The following ABAT variants were observed in gnomAD, a reference collection of about 807,000 sequenced individuals.
The protein encoded by ABAT is 4-aminobutyrate aminotransferase, also known as 4-aminobutyrate aminotransferase, mitochondrial.
Under a neutral mutation model 64.6 loss-of-function variants are expected in ABAT, and 45 were observed. That is an observed-to-expected ratio of 0.70 (90% CI 0.55 to 0.89). The LOEUF is 0.89. Ranked by LOEUF, ABAT falls within the 40% of genes least tolerant of loss-of-function variation. ABAT has a pLI of 0.00. For missense variants in ABAT, 633 were observed against 658.4 expected (o/e 0.96, Z 0.42); for synonymous variants, 297 against 250.5 (o/e 1.19, Z -1.75).
chr16:8,743,107 GAAAA>G lies in ABAT; in HGVS notation c.71-2893_71-2890del, dbSNP rs1366251750. Among the ~76,000 whole-genome samples, 91 of 149,598 alleles carry G rather than the reference GAAAA, an allele frequency of 6.1e-4. 5 individuals are homozygous for G. The highest frequency in any genetic ancestry group is 6.0e-3 in the Admixed American group (90 of 14,894). On this transcript the variant is annotated intron_variant, in intron 2 of 15. Transcript: ENST00000268251. ...ATTCCCTTTTTCAGATCAAAGAGAAGAAAATAAAAGCTGTTTTTCTTCATCCTTA... is the reference window on the plus strand; with the variant it reads ...ATTCCCTTTTTCAGATCAAAGAGAAGTAAAAGCTGTTTTTCTTCATCCTTA...
chr16:8,764,706 G>A lies in ABAT; in HGVS notation c.448-32G>A. On this transcript the variant is annotated intron_variant, in intron 7 of 15. Transcript: ENST00000268251. The surrounding 1 kb of genome is among the most constrained non-coding windows in gnomAD (Gnocchi z 4.2). ...AGCGGGAGGACAGGAGTCATGATGAGCCTGGGCTCACGGCTATTTCCCTCC... is the reference window on the plus strand; with the variant it reads ...AGCGGGAGGACAGGAGTCATGATGAACCTGGGCTCACGGCTATTTCCCTCC... 2.5e-6 allele frequency: 4 copies of A among 1,598,942 alleles called. No individual in the cohort carries two copies. Among genetic ancestry groups the A allele is most frequent in the Middle Eastern group, 1.7e-4 (1 of 6,014 alleles).
chr16:8,746,191 T>C, intron 3 of ABAT, 93 bp downstream of exon 3: 1 of 920,972 alleles, frequency 1.1e-6, no homozygotes, highest in South Asian at 1.4e-5. Flanking sequence ...CCTGTATTGA[T>C]TGTCAGCTGC....
intron 1 of ABAT, among the ~76,000 whole-genome samples, chr16:8,706,060 G>A (rs2057933825): frequency 6.6e-6 from 1 of 152,042 alleles, no homozygotes; most frequent in African/African-American, 2.4e-5. Context: ...TGCCTGTTGG[G>A]AGTGTTGGGC....
intron 5 of ABAT, among the ~76,000 whole-genome samples, chr16:8,751,798 C>T (rs2059493270): frequency 6.6e-6 from 1 of 152,106 alleles, no homozygotes; most frequent in South Asian, 2.1e-4. Flanking sequence ...CCCACAGCGT[C>T]TGCCTCCCCA....
chr16:8,743,007 T>TAAA (rs71152928), intron 2 of ABAT, among the ~76,000 whole-genome samples: 2,684 of 124,194 alleles, frequency 0.022, 180 homozygotes, highest in African/African-American at 0.065. Flanking sequence ...CTCATTTCTT[T>TAAA]AAAAAAAAAA....
chr16:8,731,122 C>T (rs1260297359), intron 1 of ABAT, among the ~76,000 whole-genome samples: 4 of 152,068 alleles, frequency 2.6e-5, no homozygotes, highest in Non-Finnish European at 5.9e-5. Flanking sequence ...ACCACCACAC[C>T]CAGCTAATTT....
At chr16:8,769,745 C>A (rs911476254) in intron 11 of ABAT, among the ~76,000 whole-genome samples, 79 of 152,130 alleles carry the variant, frequency 5.2e-4, no homozygotes, top group Admixed American at 5.2e-4. Context: ...CCCCCTACCC[C>A]CCGTTTCCAC....
rs558275692 is a variant in ABAT at position 8,755,448 on chromosome 16, G to C, written c.317-2309G>C. Among the ~76,000 whole-genome samples the C allele has an allele frequency of 8.5e-5, 13 of 152,354 alleles. No homozygotes were observed. The East Asian group carries it at 2.5e-3, about 29-fold the overall frequency. ...GGATGCATTCATCAGGGTGAGAGCTGTGATTTTTAGAAACTCAAGTCAAAC... is the reference window on the plus strand; with the variant it reads ...GGATGCATTCATCAGGGTGAGAGCTCTGATTTTTAGAAACTCAAGTCAAAC... On this transcript the variant is annotated intron_variant, in intron 5 of 15. Transcript: ENST00000268251.
At chr16:8,743,337 T>A (rs1445901197) in intron 2 of ABAT, among the ~76,000 whole-genome samples, 2 of 147,980 alleles carry the variant, frequency 1.4e-5, no homozygotes, top group Non-Finnish European at 3.0e-5. Context: ...TGTGTGTGTG[T>A]GTGTGTGTGT....
chr16:8,731,989 G>C (rs899072315), intron 1 of ABAT, among the ~76,000 whole-genome samples: 1 of 152,000 alleles, frequency 6.6e-6, no homozygotes, highest in African/African-American at 2.4e-5. Flanking sequence ...AAGTAGCTGG[G>C]ATTACAGGAG....
rs2228081 is a variant in ABAT at position 8,746,059 on chromosome 16, G to A, written c.129G>A (p.Gly43=). ...TCGACGTTGAATTTGATTATGATGG[G>A]CCTCTGATGAAGACGGAAGTCCCAG... is the stretch of plus-strand genomic sequence containing the variant. The part of the protein sequence containing the change: ...AKVDVEFDYD[G]PLMKTEVPGP... The change falls in exon 3 of 16, where the codon GGG becomes GGA. Residue 43 remains glycine, a synonymous_variant. Coordinates refer to ENST00000268251, the MANE Select transcript of ABAT (RefSeq NM_020686.6). The A allele has an allele frequency of 5.3e-3, 8,581 of 1,613,824 alleles. 390 individuals carry two copies. In the African/African-American group the frequency reaches 0.1, roughly 19 times the overall value.
chr16:8,719,500 C>T (rs1436974955), intron 1 of ABAT, among the ~76,000 whole-genome samples: 8 of 152,150 alleles, frequency 5.3e-5, no homozygotes, highest in Admixed American at 3.9e-4. Flanking sequence ...CTGCTAGCAA[C>T]GATGTGTTCG....
intron 1 of ABAT, among the ~76,000 whole-genome samples, chr16:8,724,766 A>T (rs2058491148): frequency 7.4e-6 from 1 of 134,286 alleles, no homozygotes; most frequent in Non-Finnish European, 1.6e-5. Context: ...AAAAAAAAAA[A>T]AAACAATGGC....
rs2059305738 is a variant in ABAT, at chr16:8,745,601, G to T, written c.71-400G>T. Among the ~76,000 whole-genome samples the T allele has an allele frequency of 3.3e-5, 5 of 152,114 alleles. No individual in the cohort carries two copies. In the South Asian group the frequency reaches 1.0e-3, roughly 32 times the overall value. On this transcript the variant is annotated intron_variant, in intron 2 of 15. Coordinates refer to ENST00000268251, the MANE Select transcript of ABAT (RefSeq NM_020686.6). ...AATCCCAGGTACTCAGGAGGCTGAGGCAGAAGGATCAACTGAGCCTTTGGA... is the reference window on the plus strand; with the variant it reads ...AATCCCAGGTACTCAGGAGGCTGAGTCAGAAGGATCAACTGAGCCTTTGGA...
intron 2 of ABAT, among the ~76,000 whole-genome samples, chr16:8,740,014 G>A (rs1247004136): frequency 1.3e-5 from 2 of 151,572 alleles, no homozygotes; most frequent in African/African-American, 4.9e-5. Context: ...TATTAGGCAA[G>A]TAGCAACCAG....
chr16:8,686,552 G>C (rs1205342414), intron 1 of ABAT, among the ~76,000 whole-genome samples: 2 of 152,152 alleles, frequency 1.3e-5, no homozygotes, highest in Non-Finnish European at 2.9e-5. Flanking sequence ...TGCTCACCTT[G>C]TCGCTCACAA....
Position 8,782,129 on chromosome 16 carries a change from T to G in ABAT, c.*699T>G, listed in dbSNP as rs903299581. On this transcript the variant is annotated 3_prime_UTR_variant, in exon 16 of 16. Coordinates refer to ENST00000268251, the MANE Select transcript of ABAT (RefSeq NM_020686.6). ...CCCTTGGAGGATCCCCAGGTGGCCT[T>G]ACCCGTGATTCTTACTCGGCATCCT... 1.3e-5 allele frequency: 2 copies of G among 153,324 alleles called. No homozygotes were observed. The highest frequency in any genetic ancestry group is 4.8e-5 in the African/African-American group (2 of 41,564). The allele number at this position is 153,324 out of a possible 1,614,324, so 9.5% of individuals were successfully genotyped here.
intron 1 of ABAT, among the ~76,000 whole-genome samples, chr16:8,685,227 A>G (rs1173681169): frequency 3.9e-5 from 6 of 152,146 alleles, no homozygotes; most frequent in Non-Finnish European, 7.4e-5. Flanking sequence ...GGGAGGTTGC[A>G]GTGAGCCAGG....
chr16:8,707,241 C>G (rs140117130), intron 1 of ABAT, among the ~76,000 whole-genome samples: 1 of 151,912 alleles, frequency 6.6e-6, no homozygotes, highest in Non-Finnish European at 1.5e-5. Flanking sequence ...GGCTTGAGTA[C>G]AGTGGTGCAA....
Sources: allele counts gnomAD v4.1 joint callset (sites outside exome capture counted in the v4.1 genomes callset), GRCh38; gene constraint gnomAD v4.1.1; non-coding constraint Gnocchi (gnomAD v3.1); transcripts MANE v1.5; gene names NCBI Gene and HGNC (gene_info 2026-07-23, HGNC 2026-07-21).